Variants in PTPRM observed in about 807,000 individuals in gnomAD.
The protein encoded by PTPRM is receptor-type tyrosine-protein phosphatase mu.
A neutral mutation model predicts 186.7 loss-of-function variants in PTPRM; 47 were observed. The observed-to-expected ratio is 0.25, with a 90% CI of 0.20 to 0.32. The LOEUF (loss-of-function observed/expected upper bound fraction) is 0.32, where lower values mean the gene tolerates loss of function less well. PTPRM is among the 10% of genes least tolerant of loss of function. The pLI, the probability that PTPRM is intolerant of heterozygous loss-of-function variation, is 1.00. For missense variants in PTPRM, 1,494 were observed against 1,865.0 expected, an observed-to-expected ratio of 0.80 and a Z score of 3.66; for synonymous variants, 668 against 674.9, an observed-to-expected ratio of 0.99 and a Z score of 0.16.
intron 9 of PTPRM, among the ~76,000 whole-genome samples, chr18:8,084,349 A>C (rs570334883): frequency 6.6e-6 from 1 of 152,182 alleles, no homozygotes; most frequent in African/African-American, 2.4e-5. Flanking sequence ...CAGCGGTTAC[A>C]TCGCTGACGT....
At chr18:7,788,800 A>G (rs2043206595) in intron 2 of PTPRM, among the ~76,000 whole-genome samples, 1 of 152,228 alleles carries the variant, frequency 6.6e-6, no homozygotes, top group Non-Finnish European at 1.5e-5. Flanking sequence ...GAAAGGCATC[A>G]TAGACAAACA....
intron 22 of PTPRM, among the ~76,000 whole-genome samples, chr18:8,333,686 T>G (rs2095423625): frequency 6.6e-6 from 1 of 152,230 alleles, no homozygotes; most frequent in East Asian, 1.9e-4. Context: ...TGAATGCCTC[T>G]CAGGCTCATC....
chr18:7,814,454 G>A, intron 2 of PTPRM: 1 of 152,236 alleles, frequency 6.6e-6, no homozygotes, highest in Admixed American at 6.5e-5. Flanking sequence ...AAGAATGGAT[G>A]ATATTTCAAC....
intron 7 of PTPRM, among the ~76,000 whole-genome samples, chr18:7,983,603 A>G (rs187401548): frequency 5.0e-4 from 76 of 152,050 alleles, no homozygotes; most frequent in Admixed American, 3.6e-3. Flanking sequence ...CTTGTGCGCT[A>G]TTGCCTGGCA....
intron 23 of PTPRM, among the ~76,000 whole-genome samples, chr18:8,362,362 C>T (rs1014857238): frequency 4.6e-5 from 7 of 152,214 alleles, no homozygotes; most frequent in South Asian, 4.1e-4. Flanking sequence ...AAACACTGCT[C>T]CTACAGAAAA....
At position 8,025,631 on chromosome 18, in the gene PTPRM, TAA is replaced by T. The variant is rs1600134337; in HGVS notation, c.1133-44054_1133-44053del. On this transcript the variant is annotated intron_variant, in intron 7 of 32. Transcript: ENST00000580170. ...TGAAGTATTTACAGTAGCAGAAACA[TAA>T]GAAATGAATTATTTCAACAGCTGGT... 2.0e-5 allele frequency among the ~76,000 whole-genome samples: 3 copies of T among 152,322 alleles called. No homozygotes were observed. In the East Asian group the frequency reaches 5.8e-4, roughly 29 times the overall value.
chr18:7,589,560 C>G (rs2037069820), intron 1 of PTPRM, among the ~76,000 whole-genome samples: 2 of 152,160 alleles, frequency 1.3e-5, no homozygotes, highest in South Asian at 2.1e-4. Context: ...GCAACTCCCC[C>G]CCACCACCCT....
At chr18:8,372,862 G>GT (rs1041628571) in intron 24 of PTPRM, among the ~76,000 whole-genome samples, 3 of 151,928 alleles carry the variant, frequency 2.0e-5, no homozygotes, top group Non-Finnish European at 4.4e-5. Flanking sequence ...TAAACATGGA[G>GT]TTTTTTTGAA....
intron 14 of PTPRM, among the ~76,000 whole-genome samples, chr18:8,207,751 T>C (rs1218492871): frequency 6.6e-6 from 1 of 152,248 alleles, no homozygotes; most frequent in African/African-American, 2.4e-5. Flanking sequence ...TTACATGTTC[T>C]TGTATTTTAA....
chr18:7,898,895 A>G (rs1013615118), intron 3 of PTPRM, among the ~76,000 whole-genome samples: 2 of 152,238 alleles, frequency 1.3e-5, no homozygotes, highest in Admixed American at 6.5e-5. Context: ...AACTACTTCT[A>G]TAGGAAATAT....
rs1038303736 is a variant in PTPRM, at chr18:8,047,321, TAAAC to T, written c.1133-22362_1133-22359del. Among the ~76,000 whole-genome samples, 9 of 152,254 alleles carry T rather than the reference TAAAC, an allele frequency of 5.9e-5. No homozygotes were observed. The East Asian group carries it at 7.7e-4, about 13-fold the overall frequency. ...TAATAAAAAAAATTTTTGTGGCAAA[TAAAC>T]AATTAAAAATGAAAGATATGCACAT... On this transcript the variant is annotated intron_variant, in intron 7 of 32. Transcript: ENST00000580170.
At chr18:7,679,651 T>G (rs931002825) in intron 1 of PTPRM, among the ~76,000 whole-genome samples, 7 of 152,050 alleles carry the variant, frequency 4.6e-5, no homozygotes, top group Non-Finnish European at 1.0e-4. Flanking sequence ...GGCGACAGAG[T>G]GAGACTCTGT....
chr18:8,323,622 A>G (rs1277932284), intron 22 of PTPRM, among the ~76,000 whole-genome samples: 2 of 152,010 alleles, frequency 1.3e-5, no homozygotes, highest in African/African-American at 4.8e-5. Flanking sequence ...TGACTACCTG[A>G]TTGGGGTTCC....
intron 4 of PTPRM, among the ~76,000 whole-genome samples, chr18:7,918,826 T>C (rs1213952293): frequency 1.3e-5 from 2 of 152,176 alleles, no homozygotes; most frequent in African/African-American, 4.8e-5. Flanking sequence ...TCTGTTTTTG[T>C]TTTGGTTGCT....
At chr18:8,074,191 C>A (rs898100680) in intron 8 of PTPRM, among the ~76,000 whole-genome samples, 3 of 152,172 alleles carry the variant, frequency 2.0e-5, no homozygotes, top group African/African-American at 7.2e-5. Flanking sequence ...GCTTTCCAAT[C>A]TGTGGTAGTC....
chr18:8,031,052 C>T (rs766825769), intron 7 of PTPRM, among the ~76,000 whole-genome samples: 10 of 152,104 alleles, frequency 6.6e-5, no homozygotes, highest in African/African-American at 9.7e-5. Context: ...CCTTGGAAAA[C>T]GGTTGCCCAT....
At position 7,889,940 on chromosome 18, in the gene PTPRM, G is replaced by A. The variant is rs138396460; in HGVS notation, c.468+1563G>A. ...TTCCTGTTTAAAGTAACTGAAGGGC[G>A]GAGGCCCATGGACATTCAGAAGTGG... On this transcript the variant is annotated intron_variant, in intron 3 of 32. Coordinates refer to ENST00000580170, the MANE Select transcript of PTPRM (RefSeq NM_001105244.2). Among the ~76,000 whole-genome samples the A allele has an allele frequency of 4.7e-4, 71 of 152,296 alleles. 1 individual carries two copies. In the East Asian group the frequency reaches 0.01, roughly 22 times the overall value.
At chr18:8,089,574 A>G (rs950066194) in intron 11 of PTPRM, among the ~76,000 whole-genome samples, 1 of 152,162 alleles carries the variant, frequency 6.6e-6, no homozygotes, top group African/African-American at 2.4e-5. Context: ...ATTCAGAGGG[A>G]TTTAAATGTT....
chr18:8,125,405 G>A (rs1458907667), intron 13 of PTPRM, among the ~76,000 whole-genome samples: 1 of 151,936 alleles, frequency 6.6e-6, no homozygotes, highest in Admixed American at 6.6e-5. Context: ...ACCCAGTACT[G>A]TATATACACA....
Sources: gnomAD v4.1 joint callset for allele counts (sites outside exome capture counted in the v4.1 genomes callset) on GRCh38, gnomAD v4.1.1 for gene constraint, MANE v1.5 for transcripts, NCBI Gene and HGNC (gene_info 2026-07-23, HGNC 2026-07-21) for gene names.